The following TDRD1 variants were observed in gnomAD, a reference collection of about 807,000 sequenced individuals.
TDRD1 encodes tudor domain-containing protein 1.
TDRD1 carries 37 observed loss-of-function variants against 140.6 expected under a neutral mutation model. That is an observed-to-expected ratio of 0.26 (90% CI 0.20 to 0.35). The LOEUF (loss-of-function observed/expected upper bound fraction) is 0.35, where lower values mean the gene tolerates loss of function less well. TDRD1 is among the 10% of genes least tolerant of loss of function. TDRD1 has a pLI of 1.00. For synonymous variants in TDRD1, 506 were observed against 475.7 expected, an observed-to-expected ratio of 1.06 and a Z score of -0.83; for missense variants, 1,243 against 1,393.0, an observed-to-expected ratio of 0.89 and a Z score of 1.71.
chr10:114,204,727 A>G (rs1458617492), exon 10 of TDRD1: 1 of 1,580,522 alleles, frequency 6.3e-7, no homozygotes, highest in Non-Finnish European at 8.5e-7. Flanking sequence ...TTCAGGCCAT[A>G]AAGTGCTTTG....
chr10:114,190,676 C>T (rs189170064), intron 2 of TDRD1, among the ~76,000 whole-genome samples: 5 of 152,118 alleles, frequency 3.3e-5, no homozygotes, highest in South Asian at 2.1e-4. Flanking sequence ...TTAGTAGAGA[C>T]GGGGTTTCAC....
rs36124319 is a variant in TDRD1 at position 114,196,833 on chromosome 10, C to CTTTTTTTTTTTTTTTTTT, written c.385-2327_385-2310dup. Among the ~76,000 whole-genome samples, 7 of 48,328 alleles carry CTTTTTTTTTTTTTTTTTT rather than the reference C, an allele frequency of 1.4e-4. 2 individuals are homozygous for CTTTTTTTTTTTTTTTTTT. Among genetic ancestry groups the CTTTTTTTTTTTTTTTTTT allele is most frequent in the African/African-American group, 2.8e-4 (3 of 10,586 alleles). The allele number at this position is 48,328 out of a possible 152,430, so 31.7% of individuals were successfully genotyped here. A position where few individuals can be genotyped will look rare whatever the true frequency, so the allele number is the denominator to read the frequency against. The stretch of plus-strand genomic sequence containing the variant: ...ACCAAATTTGGAAGTTTCTAGCAGT[C>CTTTTTTTTTTTTTTTTTT]TTTTTTTTTTTTTTTTTTTTTTTTT... On this transcript the variant is annotated intron_variant, in intron 3 of 25. Transcript: ENST00000251864.
intron 21 of TDRD1, among the ~76,000 whole-genome samples, chr10:114,224,312 A>T (rs1022205703): frequency 2.0e-5 from 3 of 152,188 alleles, no homozygotes; most frequent in African/African-American, 7.2e-5. Flanking sequence ...GATTCCACAA[A>T]CTTTGTATGT....
rs895644315 is a variant in TDRD1, at chr10:114,219,486, T to C, written c.2494+902T>C. 8.9e-4 allele frequency among the ~76,000 whole-genome samples: 135 copies of C among 152,318 alleles called. 1 individual carries two copies. The highest frequency in any genetic ancestry group is 3.2e-3 in the African/African-American group (133 of 41,568). On this transcript the variant is annotated intron_variant, in intron 18 of 25. Coordinates refer to ENST00000251864, the Ensembl canonical transcript of TDRD1. ...AGTTGTGGCTGGTTGGATTCCAAAA[T>C]TCAACAGTGGTAAAGTCAGGCAGCA...
intron 16 of TDRD1, among the ~76,000 whole-genome samples, chr10:114,215,763 T>A (rs1276365281): frequency 1.3e-5 from 2 of 152,152 alleles, no homozygotes; most frequent in Non-Finnish European, 2.9e-5. Flanking sequence ...AAGGTGATTA[T>A]ACAAACATAA....
At chr10:114,184,176 T>C (rs891732149) in intron 1 of TDRD1, among the ~76,000 whole-genome samples, 1 of 152,116 alleles carries the variant, frequency 6.6e-6, no homozygotes, top group Non-Finnish European at 1.5e-5. Context: ...TTGAATTTTT[T>C]TTTTTTTTAC....
intron 18 of TDRD1, 103 bp from the exon 19 acceptor site, chr10:114,220,465 C>G (rs2036071881): frequency 1.4e-6 from 1 of 740,116 alleles, no homozygotes; most frequent in Non-Finnish European, 2.3e-6. Flanking sequence ...CTGAGAATTG[C>G]TGACCTGAAA....
chr10:114,228,202 A>G lies in TDRD1; in HGVS notation c.3538+77A>G, dbSNP rs193113786. On this transcript the variant is annotated intron_variant, in intron 25 of 25. Coordinates refer to ENST00000251864, the Ensembl canonical transcript of TDRD1. ...ACATCTTCAGGCATATTGGCAGGATAGAGCTAATGGAGTGAAACCTATTGT... is the reference window on the plus strand; with the variant it reads ...ACATCTTCAGGCATATTGGCAGGATGGAGCTAATGGAGTGAAACCTATTGT... 225 of 1,487,812 alleles carry G rather than the reference A, an allele frequency of 1.5e-4. 2 individuals are homozygous for G. In the African/African-American group the frequency reaches 3.0e-3, roughly 20 times the overall value. The allele number at this position is 1,487,812 out of a possible 1,614,324, so 92.2% of individuals were successfully genotyped here.
chr10:114,222,860 T>G (rs1471572520), intron 21 of TDRD1, among the ~76,000 whole-genome samples, 157 bp downstream of exon 21: 2 of 152,226 alleles, frequency 1.3e-5, no homozygotes, highest in Non-Finnish European at 2.9e-5. Flanking sequence ...CATATGTTGG[T>G]CATTCAGCTT....
exon 17 of TDRD1, chr10:114,217,653 C>A (rs1434944765): frequency 5.7e-6 from 9 of 1,567,486 alleles, no homozygotes; most frequent in Non-Finnish European, 7.9e-6. Context: ...GCTTTTTTTG[C>A]AGGTAAGTTG....
At chr10:114,227,530 A>G (rs1028072267) in intron 23 of TDRD1, among the ~76,000 whole-genome samples, 1 of 152,190 alleles carries the variant, frequency 6.6e-6, no homozygotes, top group African/African-American at 2.4e-5. Flanking sequence ...CTGCTGTGGG[A>G]ATTGACACCA....
chr10:114,207,033 TG>T (rs1397089490), intron 11 of TDRD1, among the ~76,000 whole-genome samples: 2 of 152,268 alleles, frequency 1.3e-5, no homozygotes, highest in Non-Finnish European at 2.9e-5. Flanking sequence ...TTCTGATGAC[TG>T]TTTACTCCTG....
In TDRD1 at chr10:114,199,153, C is replaced by G. The variant is rs1188482807; in HGVS notation, c.385-20C>G. ...AAGTTATTGCCAAATTCTAACATTG[C>G]TCTTCTTTGTTCTTAATAGAAGCCT... On this transcript the variant is annotated intron_variant, in intron 3 of 25. Transcript: ENST00000251864. 3 of 1,598,440 alleles carry G rather than the reference C, an allele frequency of 1.9e-6. No homozygotes were observed. Among genetic ancestry groups the G allele is most frequent in the African/African-American group, 1.4e-5 (1 of 73,766 alleles).
At chr10:114,200,031 A>G (rs2034626103) in intron 4 of TDRD1, among the ~76,000 whole-genome samples, 1 of 152,208 alleles carries the variant, frequency 6.6e-6, no homozygotes, top group Non-Finnish European at 1.5e-5. Context: ...AAGCTACTAA[A>G]CCATTTTCAA....
chr10:114,213,146 G>A (rs542413909), intron 14 of TDRD1, among the ~76,000 whole-genome samples, 200 bp from the exon 15 acceptor site: 7 of 152,126 alleles, frequency 4.6e-5, no homozygotes, highest in African/African-American at 1.4e-4. Flanking sequence ...TCGGCCTCCC[G>A]GCGTGCTGGA....
chr10:114,220,865 TTTG>T (rs1469455254), intron 19 of TDRD1, 22 bp downstream of exon 19: 6 of 1,533,980 alleles, frequency 3.9e-6, no homozygotes, highest in Non-Finnish European at 5.3e-6. Context: ...AAACCATTTA[TTTG>T]TTTAAATTTG....
exon 19 of TDRD1, chr10:114,220,835 G>A: frequency 1.2e-6 from 2 of 1,606,082 alleles, no homozygotes; most frequent in Non-Finnish European, 1.7e-6. Context: ...CATGTACAGG[G>A]ACTTCAAGGT....
At chr10:114,196,273 T>A (rs1478063248) in intron 3 of TDRD1, among the ~76,000 whole-genome samples, 1 of 152,200 alleles carries the variant, frequency 6.6e-6, no homozygotes, top group East Asian at 1.9e-4. Flanking sequence ...TGTTTCAGTG[T>A]TCCTGCTTTT....
At chr10:114,201,773 T>A (rs983476690) in intron 5 of TDRD1, among the ~76,000 whole-genome samples, 3 of 152,246 alleles carry the variant, frequency 2.0e-5, no homozygotes, top group African/African-American at 7.2e-5. Context: ...TGCCTTACTT[T>A]TAATGATGTG....
Sources: allele counts gnomAD v4.1 joint callset (sites outside exome capture counted in the v4.1 genomes callset), GRCh38; gene constraint gnomAD v4.1.1; transcripts MANE v1.5; gene names NCBI Gene and HGNC (gene_info 2026-07-23, HGNC 2026-07-21).